PNCK: variants seen among roughly 807,000 people sequenced by gnomAD.
The protein encoded by PNCK is pregnancy up-regulated nonubiquitous CaM kinase.
PNCK carries 21 observed loss-of-function variants against 28.3 expected under a neutral mutation model. That is an observed-to-expected ratio of 0.74 (90% CI 0.53 to 1.07). PNCK has a LOEUF of 1.07. PNCK is among the 50% of genes least tolerant of loss of function. The probability of loss-of-function intolerance (pLI) is 0.00; values close to 1 mark genes in which losing one functional copy is unlikely to be tolerated. For synonymous variants in PNCK, 136 were observed against 125.2 expected (o/e 1.09, Z -0.58); for missense variants, 250 against 298.3 (o/e 0.84, Z 1.19).
chrX:153,684,082 T>C (rs2091406724), intron 1 of PNCK, among the ~76,000 whole-genome samples: 1 of 112,111 alleles, frequency 8.9e-6, no homozygotes, highest in Non-Finnish European at 1.9e-5. Context: ...GGTTTCATCT[T>C]GGGAAGGTCT....
chrX:153,683,192 G>A (rs2091402745), intron 1 of PNCK, among the ~76,000 whole-genome samples: 2 of 112,674 alleles, frequency 1.8e-5, no homozygotes, highest in South Asian at 7.3e-4. Context: ...CCAGGCTGGA[G>A]TGCAGTGGCA....
intron 1 of PNCK, among the ~76,000 whole-genome samples, chrX:153,683,409 A>C (rs1557042719): frequency 9.5e-6 from 1 of 105,716 alleles, no homozygotes; most frequent in East Asian, 3.0e-4. Flanking sequence ...CAAAGTGTTG[A>C]GATTACAGGC....
At chrX:153,685,518 G>A (rs1481310879) in intron 1 of PNCK, among the ~76,000 whole-genome samples, 1 of 111,972 alleles carries the variant, frequency 8.9e-6, no homozygotes, top group East Asian at 2.9e-4. Flanking sequence ...CAGGGTGGCC[G>A]ACGTGGGGAG....
upstream of PNCK, chrX:153,674,535 A>C: frequency 1.3e-5 from 2 of 149,288 alleles, no homozygotes; most frequent in East Asian, 1.5e-4. Flanking sequence ...CTCGGCTCAA[A>C]TGTCCCCTCC....
chrX:153,672,225 G>A, intron 3 of PNCK, 25 bp from the exon 4 acceptor site: 3 of 1,184,484 alleles, frequency 2.5e-6, no homozygotes, highest in East Asian at 3.0e-5. Context: ...AAGCGCCTGT[G>A]GGCCAACAGA....
rs782450206 is a variant in PNCK at position 153,670,774 on chromosome X, G to C, written c.864C>G (p.Ile288Met). 8.3e-7 allele frequency: 1 copy of C among 1,211,182 alleles called. No individual in the cohort carries two copies. Among genetic ancestry groups the C allele is most frequent in the Admixed American group, 2.2e-5 (1 of 46,116 alleles). Residue 288 changes from isoleucine to methionine, a missense_variant, in exon 10 of 12, where the codon ATC becomes ATG. By Grantham distance (10) the Ile-to-Met change is conservative. Coordinates refer to ENST00000340888, the MANE Select transcript of PNCK (RefSeq NM_001366977.1). ...RDILGSVSEQ[I>M]RKNFARTHWK... Reference sequence around the variant, plus strand: ...AGTGTGTCCGAGCAAAGTTCTTCCGGATCTGCTCACTGACAGAGCCTAAGA... The same window carrying C: ...AGTGTGTCCGAGCAAAGTTCTTCCGCATCTGCTCACTGACAGAGCCTAAGA...
At chrX:153,671,820 A>G in intron 5 of PNCK, 60 bp downstream of exon 5, 1 of 1,189,730 alleles carries the variant, frequency 8.4e-7, no homozygotes, top group Non-Finnish European at 1.1e-6. Context: ...TCCCGGGAAA[A>G]CAAAGGCAGG....
chrX:153,675,846 G>T (rs2091362446), upstream of PNCK, among the ~76,000 whole-genome samples: 1 of 106,755 alleles, frequency 9.4e-6, no homozygotes. Flanking sequence ...GTTTACAAGA[G>T]AAATTACACC....
At chrX:153,684,786 C>G (rs1181693119) in intron 1 of PNCK, among the ~76,000 whole-genome samples, 1 of 101,672 alleles carries the variant, frequency 9.8e-6, no homozygotes, top group Non-Finnish European at 2.0e-5. Flanking sequence ...CAGGCCTCCC[C>G]CAACAAACAG....
At position 153,671,569 on chromosome X, in the gene PNCK, C is replaced by T; in HGVS notation, c.518G>A (p.Cys173Tyr). 1 of 1,212,090 alleles carries T rather than the reference C, an allele frequency of 8.3e-7. No individual in the cohort carries two copies. Among genetic ancestry groups the T allele is most frequent in the Non-Finnish European group, 1.1e-6 (1 of 895,544 alleles). Residue 173 changes from cysteine to tyrosine, a missense_variant, in exon 6 of 12, where the codon TGT becomes TAT. Coordinates refer to ENST00000340888, the MANE Select transcript of PNCK (RefSeq NM_001366977.1). ...IQAGNMLGTA[C>Y]GTPGYVAPEL... ...CTCACCCACATATCCAGGGGTCCCA[C>T]AGGCGGTGCCTAGCATGTTCCCAGC...
At chrX:153,687,555 G>A in exon 1 of PNCK, 1 of 323,659 alleles carries the variant, frequency 3.1e-6, no homozygotes. Context: ...AGCCTGCCAG[G>A]AGCGGGGAGA....
upstream of PNCK, chrX:153,674,052 G>T (rs781795152): frequency 4.1e-6 from 5 of 1,205,323 alleles, no homozygotes; most frequent in Non-Finnish European, 5.6e-6. Flanking sequence ...TTGCACCACC[G>T]GTGGCTGTCT....
At chrX:153,673,694 G>A in intron 1 of PNCK, 86 bp downstream of exon 1, 1 of 540,843 alleles carries the variant, frequency 1.8e-6, no homozygotes, top group Non-Finnish European at 2.2e-6. Context: ...CAGGTGTGCT[G>A]CGGACGCGCA....
At chrX:153,677,509 A>AGT (rs1309544629), upstream of PNCK, among the ~76,000 whole-genome samples, 3 of 107,125 alleles carry the variant, frequency 2.8e-5, no homozygotes, top group African/African-American at 3.4e-5. Flanking sequence ...AAGAACTTAT[A>AGT]GTGTGTGTGT....
upstream of PNCK, among the ~76,000 whole-genome samples, chrX:153,679,103 G>A (rs782134618): frequency 3.7e-4 from 41 of 111,204 alleles, no homozygotes; most frequent in African/African-American, 1.2e-3. Context: ...TAATACTATC[G>A]CACTGGTCTT....
chrX:153,671,838 G>T (rs2091304729), intron 5 of PNCK, 42 bp downstream of exon 5: 1 of 1,196,651 alleles, frequency 8.4e-7, no homozygotes, highest in Admixed American at 2.2e-5. Flanking sequence ...AGGGCCAGGT[G>T]GGCAGGTGGG....
Position 153,670,773 on chromosome X carries a change from G to A in PNCK, c.865C>T (p.Arg289Trp), listed in dbSNP as rs181550205. 3.9e-5 allele frequency: 47 copies of A among 1,209,377 alleles called. No individual in the cohort carries two copies. Among genetic ancestry groups the A allele is most frequent in the African/African-American group, 1.2e-4 (7 of 57,317 alleles). Residue 289 changes from arginine (R) to tryptophan (W), a missense_variant, in exon 10 of 12, where the codon CGG becomes TGG. By Grantham distance (101) the Arg-to-Trp change is moderately radical. Transcript: ENST00000340888. ...CAGTGTGTCCGAGCAAAGTTCTTCC[G>A]GATCTGCTCACTGACAGAGCCTAAG... is the stretch of plus-strand genomic sequence containing the variant. Reference protein sequence around the residue: ...DILGSVSEQIRKNFARTHWKR... With the variant: ...DILGSVSEQIWKNFARTHWKR...
upstream of PNCK, chrX:153,674,515 T>A: frequency 5.8e-6 from 1 of 173,339 alleles, no homozygotes. Flanking sequence ...GGCTCCTCGT[T>A]CCATCAGATC....
intron 1 of PNCK, 56 bp from the exon 2 acceptor site, chrX:153,673,134 G>A: frequency 1.7e-6 from 2 of 1,177,161 alleles, no homozygotes; most frequent in Middle Eastern, 2.4e-4. Flanking sequence ...CGGGGGCAAG[G>A]GCAGCTTCCT....
Sources: gnomAD v4.1 joint callset for allele counts (sites outside exome capture counted in the v4.1 genomes callset) on GRCh38, gnomAD v4.1.1 for gene constraint, MANE v1.5 for transcripts, NCBI Gene and HGNC (gene_info 2026-07-23, HGNC 2026-07-21) for gene names.